FOXP2: variants seen among roughly 807,000 people sequenced by gnomAD.
The protein encoded by FOXP2 is forkhead box P2.
FOXP2 carries 12 observed loss-of-function variants against 115.8 expected under a neutral mutation model. The ratio of observed to expected loss-of-function variants is 0.10; its 90% CI spans 0.07 to 0.17. The LOEUF is 0.17. Ranked by LOEUF, FOXP2 falls within the 10% of genes least tolerant of loss-of-function variation. The pLI, the probability that FOXP2 is intolerant of heterozygous loss-of-function variation, is 1.00. For synonymous variants in FOXP2, 328 were observed against 297.7 expected, an observed-to-expected ratio of 1.10 and a Z score of -1.05; for missense variants, 629 against 843.5, an observed-to-expected ratio of 0.75 and a Z score of 3.15.
chr7:114,282,093 T>C (rs575099399), intron 1 of FOXP2, among the ~76,000 whole-genome samples: 1 of 152,298 alleles, frequency 6.6e-6, no homozygotes, highest in African/African-American at 2.4e-5. Flanking sequence ...GAATCTCCTT[T>C]TACCTCAGTA....
intron 1 of FOXP2, among the ~76,000 whole-genome samples, chr7:114,422,668 C>T (rs1269625497): frequency 1.3e-5 from 2 of 151,586 alleles, no homozygotes; most frequent in Admixed American, 6.6e-5. Flanking sequence ...GCAACAAGGA[C>T]CAGTAGTGTC....
At chr7:114,602,201 T>C (rs760233758) in intron 3 of FOXP2, among the ~76,000 whole-genome samples, 3 of 152,134 alleles carry the variant, frequency 2.0e-5, no homozygotes, top group Non-Finnish European at 2.9e-5. Flanking sequence ...GTTATATTTG[T>C]CTGGTAATAT....
intron 2 of FOXP2, among the ~76,000 whole-genome samples, chr7:114,378,703 G>GAAAAAAAAAAAAAAAAAAAAAAAAAAAA (rs1792203473): frequency 8.3e-5 from 3 of 36,236 alleles, no homozygotes; most frequent in Non-Finnish European, 1.3e-4. Context: ...AAAAAAAAAG[G>GAAAAAAAAAAAAAAAAAAAAAAAAAAAA]AAAAGAAAAA....
chr7:114,599,503 T>C (rs1241990029), intron 3 of FOXP2, among the ~76,000 whole-genome samples: 2 of 152,158 alleles, frequency 1.3e-5, no homozygotes, highest in Non-Finnish European at 2.9e-5. Context: ...TAAATCAATT[T>C]ATTTAATAGA....
intron 1 of FOXP2, among the ~76,000 whole-genome samples, chr7:114,283,867 G>A (rs1796395745): frequency 6.6e-6 from 1 of 152,056 alleles, no homozygotes; most frequent in African/African-American, 2.4e-5. Context: ...GGGGGCTGAG[G>A]TGGGAGAATA....
chr7:114,661,488 A>G (rs1239267339), intron 13 of FOXP2, among the ~76,000 whole-genome samples: 3 of 152,066 alleles, frequency 2.0e-5, no homozygotes, highest in Non-Finnish European at 4.4e-5. Context: ...TTTAAAAAAA[A>G]TCTAAGTGTG....
At chr7:114,091,952 T>C (rs1365048075) in intron 1 of FOXP2, among the ~76,000 whole-genome samples, 1 of 152,026 alleles carries the variant, frequency 6.6e-6, no homozygotes, top group Non-Finnish European at 1.5e-5. Context: ...CTTCCTACTA[T>C]CTGCCAAGTA....
intron 3 of FOXP2, among the ~76,000 whole-genome samples, chr7:114,625,041 G>A (rs1804474096): frequency 6.6e-6 from 1 of 151,466 alleles, no homozygotes; most frequent in Admixed American, 6.6e-5. Flanking sequence ...TTGGTGCACA[G>A]AGCAGCATGT....
At chr7:114,243,621 T>C (rs1400863965) in intron 1 of FOXP2, among the ~76,000 whole-genome samples, 1 of 152,216 alleles carries the variant, frequency 6.6e-6, no homozygotes, top group African/African-American at 2.4e-5. Context: ...TGTTTATCCT[T>C]GAGATTTTTT....
At chr7:114,592,369 T>C (rs1802482803) in intron 3 of FOXP2, among the ~76,000 whole-genome samples, 1 of 152,072 alleles carries the variant, frequency 6.6e-6, no homozygotes, top group Non-Finnish European at 1.5e-5. Context: ...TAAGTTGGTT[T>C]TAAATGAAAA....
rs1277474524 is a variant in FOXP2 at position 114,172,950 on chromosome 7, A to T, written c.-102+9862A>T. ...AAAGTGCTAATGTCCATAGATGAGGACCTGTCTATTTCCATATATTTAATA... is the reference window on the plus strand; with the variant it reads ...AAAGTGCTAATGTCCATAGATGAGGTCCTGTCTATTTCCATATATTTAATA... On this transcript the variant is annotated intron_variant, in intron 1 of 17. Coordinates refer to the FOXP2 transcript ENST00000634411. Among the ~76,000 whole-genome samples the T allele has an allele frequency of 2.6e-5, 4 of 152,140 alleles. No individual in the cohort carries two copies. The East Asian group carries it at 5.8e-4, about 22-fold the overall frequency.
intron 1 of FOXP2, among the ~76,000 whole-genome samples, chr7:114,176,073 A>T (rs912793878): frequency 1.3e-5 from 2 of 152,002 alleles, no homozygotes; most frequent in African/African-American, 4.8e-5. Context: ...GGATTTTAAA[A>T]TTTATATTAG....
chr7:114,168,299 A>G (rs1793037432), intron 1 of FOXP2, among the ~76,000 whole-genome samples: 1 of 152,208 alleles, frequency 6.6e-6, no homozygotes, highest in Non-Finnish European at 1.5e-5. Flanking sequence ...TGAACTTCCT[A>G]AAGACTTTTT....
At chr7:114,419,748 C>CACACACACACACA (rs1293473534) in intron 1 of FOXP2, 36 of 145,298 alleles carry the variant, frequency 2.5e-4, no homozygotes, top group African/African-American at 9.0e-4. Flanking sequence ...ACACACACAC[C>CACACACACACACA]CCAGAAAGGA....
At chr7:114,228,554 A>C (rs987203132) in intron 1 of FOXP2, among the ~76,000 whole-genome samples, 3 of 151,956 alleles carry the variant, frequency 2.0e-5, no homozygotes, top group Non-Finnish European at 4.4e-5. Context: ...GGCTTAAAGA[A>C]ATTGCAGCAT....
chr7:114,551,406 A>C (rs1242943482), intron 3 of FOXP2, among the ~76,000 whole-genome samples: 1 of 152,116 alleles, frequency 6.6e-6, no homozygotes. Context: ...TTAAAAAAAA[A>C]CTGCTTGACA....
chr7:114,201,250 C>T (rs1490927959), intron 1 of FOXP2, among the ~76,000 whole-genome samples: 3 of 152,142 alleles, frequency 2.0e-5, no homozygotes, highest in African/African-American at 7.2e-5. Flanking sequence ...ATAAGAGGAT[C>T]TCTTGAGCCC....
intron 1 of FOXP2, among the ~76,000 whole-genome samples, chr7:114,118,190 A>G (rs1189116163): frequency 6.6e-6 from 1 of 152,144 alleles, no homozygotes; most frequent in East Asian, 1.9e-4. Flanking sequence ...ATAATGGCAA[A>G]AAAAGAATGG....
At chr7:114,103,465 C>T (rs891220809) in intron 1 of FOXP2, among the ~76,000 whole-genome samples, 2 of 151,866 alleles carry the variant, frequency 1.3e-5, no homozygotes, top group Non-Finnish European at 2.9e-5. Context: ...ACTAACCTTG[C>T]CTAGTCTGTG....
Sources: allele counts gnomAD v4.1 joint callset (sites outside exome capture counted in the v4.1 genomes callset), GRCh38; gene constraint gnomAD v4.1.1; transcripts MANE v1.5; gene names NCBI Gene and HGNC (gene_info 2026-07-23, HGNC 2026-07-21).